Variants in SORCS3 observed in about 807,000 individuals in gnomAD.
SORCS3 encodes the protein sortilin related VPS10 domain containing receptor 3, also known as VPS10 domain-containing receptor SorCS3.
In SORCS3, 57 loss-of-function variants were observed where a neutral mutation model predicts 146.3. That is an observed-to-expected ratio of 0.39 (90% CI 0.31 to 0.49). SORCS3 has a LOEUF of 0.49. SORCS3 is among the 20% of genes least tolerant of loss of function. The pLI, the probability that SORCS3 is intolerant of heterozygous loss-of-function variation, is 0.92. For missense variants in SORCS3, 1,341 were observed against 1,575.5 expected (o/e 0.85, Z 2.52); for synonymous variants, 653 against 618.5 (o/e 1.06, Z -0.83).
intron 3 of SORCS3, among the ~76,000 whole-genome samples, chr10:104,934,014 C>T (rs1017334148): frequency 3.3e-5 from 5 of 152,102 alleles, no homozygotes; most frequent in African/African-American, 2.4e-5. Flanking sequence ...AGGCTGGTCT[C>T]GAACTGACCT....
At chr10:104,783,742 A>G (rs2017401006) in intron 1 of SORCS3, among the ~76,000 whole-genome samples, 1 of 152,168 alleles carries the variant, frequency 6.6e-6, no homozygotes, top group Non-Finnish European at 1.5e-5. Flanking sequence ...AGAGAGAGAG[A>G]GAGAAAAAAA....
chr10:105,127,546 C>T (rs1564761604), intron 7 of SORCS3, among the ~76,000 whole-genome samples: 1 of 152,044 alleles, frequency 6.6e-6, no homozygotes, highest in East Asian at 1.9e-4. Flanking sequence ...GTGCTCAGAT[C>T]AAATGAGATT....
In SORCS3 at chr10:105,031,366, A is replaced by G. The variant is rs902561293; in HGVS notation, c.955-11689A>G. ...ACACACACACACACACACACACAAA[A>G]ACATGTATGTTTGTTTTACAAATGT... On this transcript the variant is annotated intron_variant, in intron 4 of 26. Coordinates refer to ENST00000369701, the MANE Select transcript of SORCS3 (RefSeq NM_014978.3). Among the ~76,000 whole-genome samples the G allele has an allele frequency of 3.3e-5, 5 of 150,452 alleles. No individual in the cohort carries two copies. The East Asian group carries it at 9.7e-4, about 29-fold the overall frequency.
chr10:105,156,911 G>A (rs1237463985), intron 9 of SORCS3, among the ~76,000 whole-genome samples: 1 of 151,380 alleles, frequency 6.6e-6, no homozygotes, highest in East Asian at 1.9e-4. Context: ...AAAACAGATG[G>A]GTAAGCATAG....
chr10:104,873,443 C>T (rs569765899), intron 2 of SORCS3, among the ~76,000 whole-genome samples: 84 of 152,224 alleles, frequency 5.5e-4, no homozygotes, highest in Non-Finnish European at 1.0e-3. Context: ...AATCAACAGC[C>T]CCATTTAGCT....
intron 1 of SORCS3, among the ~76,000 whole-genome samples, chr10:104,659,572 G>T (rs2133246520): frequency 6.6e-6 from 1 of 152,296 alleles, no homozygotes; most frequent in East Asian, 1.9e-4. Flanking sequence ...GTAGTGCTTG[G>T]ATCGGAAGGA....
intron 1 of SORCS3, among the ~76,000 whole-genome samples, chr10:104,735,363 G>A (rs969210391): frequency 6.6e-6 from 1 of 150,614 alleles, no homozygotes; most frequent in Non-Finnish European, 1.5e-5. Context: ...CCGGAGATGC[G>A]TCCTCAGCTG....
At chr10:104,816,242 A>G (rs1295848046) in intron 1 of SORCS3, among the ~76,000 whole-genome samples, 1 of 152,218 alleles carries the variant, frequency 6.6e-6, no homozygotes, top group Non-Finnish European at 1.5e-5. Flanking sequence ...CTTAAATTTC[A>G]TAACTTTGAA....
chr10:105,196,940 G>A (rs1457341950), intron 14 of SORCS3, among the ~76,000 whole-genome samples: 2 of 152,100 alleles, frequency 1.3e-5, no homozygotes, highest in African/African-American at 4.8e-5. Context: ...GGGGCTCTAG[G>A]GGAGAATTCA....
chr10:105,262,464 G>C lies in SORCS3; in HGVS notation c.3577G>C (p.Asp1193His). 1 of 1,613,932 alleles carries C rather than the reference G, an allele frequency of 6.2e-7. No individual in the cohort carries two copies. The highest frequency in any genetic ancestry group is 8.5e-7 in the Non-Finnish European group (1 of 1,179,918). ...CTTTACGGAGCCTGAGGAGCTGCTG[G>C]ACAAAGAGCTGGACACGCGGGTCAT... ...SDFTEPEELL[D>H]KELDTRVIGG... is the part of the protein sequence containing the mutation. Residue 1193 changes from aspartate to histidine, a missense_variant, in exon 26 of 27, where the codon GAC becomes CAC. Physicochemically the swap from Asp to His is moderately conservative, Grantham distance 81. Coordinates refer to ENST00000369701, the MANE Select transcript of SORCS3 (RefSeq NM_014978.3).
At chr10:105,051,170 A>T (rs2055409715) in intron 5 of SORCS3, among the ~76,000 whole-genome samples, 1 of 152,180 alleles carries the variant, frequency 6.6e-6, no homozygotes, top group African/African-American at 2.4e-5. Flanking sequence ...GTACATATAC[A>T]CACACAAGGC....
intron 4 of SORCS3, among the ~76,000 whole-genome samples, chr10:105,040,655 T>C (rs1161422396): frequency 6.6e-6 from 1 of 152,028 alleles, no homozygotes; most frequent in Admixed American, 6.6e-5. Flanking sequence ...ATTGAATGGG[T>C]TTTGTGTACT....
At chr10:105,250,955 AC>A (rs1326290513) in intron 22 of SORCS3, among the ~76,000 whole-genome samples, 1 of 152,188 alleles carries the variant, frequency 6.6e-6, no homozygotes. Context: ...CAAATGGAAA[AC>A]AACCAAACTC....
Position 105,131,595 on chromosome 10 carries a change from G to A in SORCS3, c.1213-7802G>A, listed in dbSNP as rs143324092. On this transcript the variant is annotated intron_variant, in intron 7 of 26. Coordinates refer to ENST00000369701, the MANE Select transcript of SORCS3 (RefSeq NM_014978.3). ...GCCTTGGCCGTGGGTGCATTAGTCT[G>A]TTCTTGCATTGTTATAAATACCTGA... Among the ~76,000 whole-genome samples, 5 of 152,248 alleles carry A rather than the reference G, an allele frequency of 3.3e-5. No homozygotes were observed. The East Asian group carries it at 9.7e-4, about 29-fold the overall frequency.
chr10:104,708,169 T>G (rs916536593), intron 1 of SORCS3, among the ~76,000 whole-genome samples: 1 of 152,194 alleles, frequency 6.6e-6, no homozygotes, highest in Non-Finnish European at 1.5e-5. Flanking sequence ...TGGAAATATC[T>G]CTCCCATTAT....
chr10:105,185,971 C>T (rs1018181591), intron 14 of SORCS3, among the ~76,000 whole-genome samples: 3 of 152,122 alleles, frequency 2.0e-5, no homozygotes, highest in East Asian at 1.9e-4. Context: ...AGGCACTTTT[C>T]GTGCTATATG....
chr10:105,183,479 G>A (rs1280777603), intron 14 of SORCS3, among the ~76,000 whole-genome samples: 2 of 152,144 alleles, frequency 1.3e-5, no homozygotes, highest in Non-Finnish European at 2.9e-5. Context: ...TCAGCACTGA[G>A]CTTAAATGCA....
chr10:104,769,431 A>T (rs2133482603), intron 1 of SORCS3, among the ~76,000 whole-genome samples: 1 of 152,298 alleles, frequency 6.6e-6, no homozygotes. Context: ...CACAGTGAAC[A>T]TTCCTACTCC....
chr10:104,985,947 G>A (rs931173816), intron 4 of SORCS3, among the ~76,000 whole-genome samples: 1 of 152,116 alleles, frequency 6.6e-6, no homozygotes, highest in Non-Finnish European at 1.5e-5. Context: ...AATTTTTAAG[G>A]GCCCTAGGAT....
Sources: gnomAD v4.1 joint callset for allele counts (sites outside exome capture counted in the v4.1 genomes callset) on GRCh38, gnomAD v4.1.1 for gene constraint, MANE v1.5 for transcripts, NCBI Gene and HGNC (gene_info 2026-07-23, HGNC 2026-07-21) for gene names.